The following FHIT variants were observed in gnomAD, a reference collection of about 807,000 sequenced individuals.
FHIT encodes the protein bis(5'-adenosyl)-triphosphatase.
FHIT carries 19 observed loss-of-function variants against 17.9 expected under a neutral mutation model. The ratio of observed to expected loss-of-function variants is 1.06; its 90% confidence interval spans 0.74 to 1.56. The LOEUF (loss-of-function observed/expected upper bound fraction) is 1.56, where lower values mean the gene tolerates loss of function less well. Ranked by LOEUF, FHIT falls within the 40% of genes most tolerant of loss-of-function variation. The probability of loss-of-function intolerance (pLI) is 0.00; values close to 1 mark genes in which losing one functional copy is unlikely to be tolerated. For missense variants in FHIT, 248 were observed against 189.2 expected (o/e 1.31, Z -1.82); for synonymous variants, 81 against 69.7 (o/e 1.16, Z -0.81).
chr3:60,296,358 C>G (rs1268107529), intron 5 of FHIT, among the ~76,000 whole-genome samples: 1 of 152,114 alleles, frequency 6.6e-6, no homozygotes, highest in African/African-American at 2.4e-5. Flanking sequence ...GTTGTCACCA[C>G]TTGTCACTCT....
intron 8 of FHIT, among the ~76,000 whole-genome samples, chr3:59,865,375 C>T (rs915503139): frequency 5.3e-5 from 8 of 152,362 alleles, no homozygotes; most frequent in Admixed American, 4.6e-4. Context: ...CTATTCTATT[C>T]ACTTTAGAGA....
At chr3:60,938,650 C>T (rs1305741757) in intron 3 of FHIT, among the ~76,000 whole-genome samples, 31 of 152,222 alleles carry the variant, frequency 2.0e-4, no homozygotes, top group Non-Finnish European at 1.0e-4. Context: ...TGTTAAACAG[C>T]GTCAGGGGAG....
intron 2 of FHIT, among the ~76,000 whole-genome samples, chr3:61,198,403 A>AC (rs1443275625): frequency 2.0e-5 from 3 of 152,106 alleles, no homozygotes; most frequent in African/African-American, 7.2e-5. Flanking sequence ...GTGGTCATAC[A>AC]CCCATCCATA....
At chr3:61,202,290 C>T (rs545458188) in intron 1 of FHIT, among the ~76,000 whole-genome samples, 14 of 150,412 alleles carry the variant, frequency 9.3e-5, no homozygotes, top group South Asian at 8.5e-4. Flanking sequence ...TCTGCCTGGC[C>T]GCTGCCCTGT....
At chr3:59,782,127 G>C (rs1702616552) in intron 8 of FHIT, among the ~76,000 whole-genome samples, 1 of 152,120 alleles carries the variant, frequency 6.6e-6, no homozygotes, top group South Asian at 2.1e-4. Flanking sequence ...TACCAGATCT[G>C]TCTGATTCCT....
intron 4 of FHIT, among the ~76,000 whole-genome samples, chr3:60,804,870 C>T (rs1701329359): frequency 6.6e-6 from 1 of 152,234 alleles, no homozygotes; most frequent in African/African-American, 2.4e-5. Flanking sequence ...GCCATCCCAG[C>T]TGCCATGAAT....
intron 8 of FHIT, among the ~76,000 whole-genome samples, chr3:59,762,912 A>C (rs1362896112): frequency 6.6e-6 from 1 of 152,210 alleles, no homozygotes; most frequent in Non-Finnish European, 1.5e-5. Flanking sequence ...TGTTTCTAAA[A>C]ACATGCTCAC....
At chr3:61,024,693 T>G (rs1057430617) in intron 3 of FHIT, among the ~76,000 whole-genome samples, 13 of 152,166 alleles carry the variant, frequency 8.5e-5, no homozygotes, top group Non-Finnish European at 1.6e-4. Flanking sequence ...GTAATTTAAA[T>G]GAAGCTACCA....
At chr3:60,482,895 T>G (rs1413388203) in intron 5 of FHIT, among the ~76,000 whole-genome samples, 2 of 150,500 alleles carry the variant, frequency 1.3e-5, no homozygotes, top group Non-Finnish European at 3.0e-5. Context: ...AGACAAGAGC[T>G]GGTTTTCTTG....
chr3:59,832,245 C>A (rs925079244), intron 8 of FHIT, among the ~76,000 whole-genome samples: 1 of 152,102 alleles, frequency 6.6e-6, no homozygotes, highest in Non-Finnish European at 1.5e-5. Flanking sequence ...GCCATGGGAG[C>A]AAATCGAGGG....
At chr3:60,229,445 A>AAAAGAAAAGAAAG (rs997105484) in intron 5 of FHIT, among the ~76,000 whole-genome samples, 252 of 151,838 alleles carry the variant, frequency 1.7e-3, no homozygotes, top group Middle Eastern at 6.8e-3. Flanking sequence ...AAAGAAAAAG[A>AAAAGAAAAGAAAG]AAAGAAAAGA....
At chr3:59,911,000 A>C (rs1018751724) in intron 8 of FHIT, among the ~76,000 whole-genome samples, 1 of 152,218 alleles carries the variant, frequency 6.6e-6, no homozygotes, top group African/African-American at 2.4e-5. Flanking sequence ...CTAGAATCTA[A>C]CAACAGGTAT....
At chr3:60,185,808 T>C (rs918229685) in intron 5 of FHIT, among the ~76,000 whole-genome samples, 2 of 152,124 alleles carry the variant, frequency 1.3e-5, no homozygotes, top group Admixed American at 6.5e-5. Context: ...GTATTTGGTA[T>C]TTGCTCTACA....
At chr3:59,960,923 C>G (rs1707645590) in intron 7 of FHIT, among the ~76,000 whole-genome samples, 10 of 152,214 alleles carry the variant, frequency 6.6e-5, no homozygotes, top group Admixed American at 6.5e-4. Context: ...ATTATCCTGA[C>G]AGCGAACCCA....
intron 2 of FHIT, among the ~76,000 whole-genome samples, chr3:61,096,249 T>A (rs2035634217): frequency 6.6e-6 from 1 of 152,182 alleles, no homozygotes; most frequent in Non-Finnish European, 1.5e-5. Context: ...GTGATAATAA[T>A]AATGCCTCTA....
In FHIT at chr3:61,230,565, T is replaced by C. The variant is rs1056674394; in HGVS notation, c.-213+20736A>G. ...GTATTTCTTTATAGCAATGCAAGAA[T>C]GGCCTAATATCATCACACACTTAAA... On this transcript the variant is annotated intron_variant, in intron 1 of 9. Transcript: ENST00000492590. Among the ~76,000 whole-genome samples the C allele has an allele frequency of 2.0e-5, 3 of 152,138 alleles. No homozygotes were observed. The East Asian group carries it at 5.8e-4, about 29-fold the overall frequency.
At chr3:60,432,582 GA>G (rs1265262347) in intron 5 of FHIT, among the ~76,000 whole-genome samples, 1 of 152,034 alleles carries the variant, frequency 6.6e-6, no homozygotes, top group Non-Finnish European at 1.5e-5. Context: ...TCATAAGCAA[GA>G]GACTACTAGC....
intron 2 of FHIT, among the ~76,000 whole-genome samples, chr3:61,142,219 T>C (rs983700677): frequency 2.6e-5 from 4 of 151,496 alleles, no homozygotes; most frequent in Non-Finnish European, 5.9e-5. Context: ...CTCTTAAGTA[T>C]AGAAAATATC....
intron 8 of FHIT, among the ~76,000 whole-genome samples, chr3:59,820,321 C>A (rs531980550): frequency 6.6e-6 from 1 of 152,328 alleles, no homozygotes; most frequent in African/African-American, 2.4e-5. Flanking sequence ...ATATCCTCAG[C>A]TGTCAGACCA....
Sources: allele counts gnomAD v4.1 joint callset (sites outside exome capture counted in the v4.1 genomes callset), GRCh38; gene constraint gnomAD v4.1.1; transcripts MANE v1.5; gene names NCBI Gene and HGNC (gene_info 2026-07-23, HGNC 2026-07-21).